LHX8: variants seen among roughly 807,000 people sequenced by gnomAD.
LHX8 encodes the protein LIM homeobox 8, also known as LIM/homeobox protein Lhx8.
Under a neutral mutation model 40.3 loss-of-function variants are expected in LHX8, and 12 were observed. That is an observed-to-expected ratio of 0.30 (90% CI 0.19 to 0.48). LHX8 has a LOEUF of 0.48. Among genes scored for constraint, LHX8 ranks in the 20% least tolerant of loss-of-function variants. The pLI is 0.99. For missense variants in LHX8, 344 were observed against 433.7 expected (o/e 0.79, Z 1.84); for synonymous variants, 179 against 162.0 (o/e 1.10, Z -0.80).
the LHX8 span, among the ~76,000 whole-genome samples, chr1:75,180,572 A>G: frequency 2.0e-5 from 3 of 152,152 alleles, no homozygotes; most frequent in East Asian, 5.8e-4. Context: ...TACACTGTCT[A>G]TTTTAGTTAG....
chr1:75,157,221 A>T, intron 8 of LHX8, 145 bp downstream of exon 8: 11 of 840,202 alleles, frequency 1.3e-5, no homozygotes, highest in Non-Finnish European at 2.1e-5. Context: ...TAGAGAGCAA[A>T]ATTATCCAAA....
the LHX8 span, among the ~76,000 whole-genome samples, chr1:75,179,696 G>A: frequency 1.6e-4 from 25 of 152,064 alleles, no homozygotes; most frequent in African/African-American, 5.3e-4. Flanking sequence ...TACATTTAAG[G>A]TTAATATTGT....
At chr1:75,147,082 C>T (rs1461881206) in intron 6 of LHX8, among the ~76,000 whole-genome samples, 3 of 152,098 alleles carry the variant, frequency 2.0e-5, no homozygotes, top group South Asian at 4.1e-4. Flanking sequence ...CAAAGTAACA[C>T]ATTTGGAGTA....
At chr1:75,179,571 C>T in the LHX8 span, among the ~76,000 whole-genome samples, 22 of 138,798 alleles carry the variant, frequency 1.6e-4, no homozygotes, top group Admixed American at 7.8e-4. Context: ...TTATTTTGAG[C>T]GTATGTGTGT....
downstream of LHX8, among the ~76,000 whole-genome samples, chr1:75,165,706 T>A (rs1247363731): frequency 6.6e-6 from 1 of 152,192 alleles, no homozygotes; most frequent in Non-Finnish European, 1.5e-5. Context: ...AGGGATTGAA[T>A]GAGGGTGGTA....
intron 7 of LHX8, among the ~76,000 whole-genome samples, chr1:75,152,245 G>A (rs954711065): frequency 6.6e-6 from 1 of 152,172 alleles, no homozygotes; most frequent in South Asian, 2.1e-4. Context: ...GAGGAAACTG[G>A]TGTGATACGT....
At chr1:75,130,958 C>A, upstream of LHX8, 1 of 619,674 alleles carries the variant, frequency 1.6e-6, no homozygotes, top group Non-Finnish European at 2.9e-6. Flanking sequence ...TTCTTATGAT[C>A]GCGAAAGTCT....
chr1:75,140,978 T>C lies in LHX8; in HGVS notation c.238-7T>C, dbSNP rs764659864. The C allele has an allele frequency of 4.3e-6, 7 of 1,613,468 alleles. No individual in the cohort carries two copies. The South Asian group carries it at 7.7e-5, about 18-fold the overall frequency. ...TGATATTACAATGGCTTCTCTTCCCTTCACAGGTGAATGACCTATGCTGGC... is the reference window on the plus strand; with the variant it reads ...TGATATTACAATGGCTTCTCTTCCCCTCACAGGTGAATGACCTATGCTGGC... On this transcript the variant is annotated splice_polypyrimidine_tract_variant and splice_region_variant and intron_variant, in intron 3 of 8. Transcript: ENST00000356261.
chr1:75,135,693 A>G (rs1429275141), intron 1 of LHX8, among the ~76,000 whole-genome samples: 1 of 152,074 alleles, frequency 6.6e-6, no homozygotes, highest in Non-Finnish European at 1.5e-5. Context: ...TAAGAACAAA[A>G]CTCCAGCAAA....
the LHX8 span, among the ~76,000 whole-genome samples, chr1:75,172,555 A>G: frequency 6.6e-6 from 1 of 152,228 alleles, no homozygotes; most frequent in Non-Finnish European, 1.5e-5. Flanking sequence ...TCTGGGTATG[A>G]AATTCACATC....
In LHX8 at chr1:75,137,049, G is replaced by T. The variant is rs1400455497; in HGVS notation, c.76-51G>T. 1.9e-6 allele frequency: 3 copies of T among 1,543,890 alleles called. No homozygotes were observed. The East Asian group carries it at 6.8e-5, about 35-fold the overall frequency. ...GGGCGCCCTTGTGGGTAGGTGGGAT[G>T]CGAAGGGGAGGAGGGGTCTAGAACC... is the stretch of plus-strand genomic sequence containing the variant. On this transcript the variant is annotated intron_variant, in intron 2 of 8. Transcript: ENST00000356261.
chr1:75,147,200 A>G (rs1648482565), intron 6 of LHX8, among the ~76,000 whole-genome samples: 5 of 152,216 alleles, frequency 3.3e-5, no homozygotes, highest in Admixed American at 1.3e-4. Context: ...TGTAGATACA[A>G]TATAGTTAGA....
At chr1:75,192,113 A>T in the LHX8 span, among the ~76,000 whole-genome samples, 1 of 152,318 alleles carries the variant, frequency 6.6e-6, no homozygotes, top group East Asian at 1.9e-4. Context: ...TATTTCATAT[A>T]GTTGTTTTAA....
At chr1:75,191,216 C>T in the LHX8 span, among the ~76,000 whole-genome samples, 4 of 151,966 alleles carry the variant, frequency 2.6e-5, no homozygotes, top group African/African-American at 9.7e-5. Context: ...ACAGCCAGGC[C>T]AAGAATGAAG....
chr1:75,173,374 C>CTTT, the LHX8 span, among the ~76,000 whole-genome samples: 24 of 96,466 alleles, frequency 2.5e-4, no homozygotes, highest in Non-Finnish European at 3.2e-4. Flanking sequence ...GATATATACT[C>CTTT]TTTTTTTTTT....
chr1:75,165,509 C>T (rs920258980), downstream of LHX8, among the ~76,000 whole-genome samples: 3 of 152,116 alleles, frequency 2.0e-5, no homozygotes, highest in African/African-American at 7.2e-5. Context: ...CCACAAAGAT[C>T]TGAACTTGCT....
intron 3 of LHX8, among the ~76,000 whole-genome samples, chr1:75,138,319 G>A (rs1401960693): frequency 6.6e-6 from 1 of 152,166 alleles, no homozygotes; most frequent in Non-Finnish European, 1.5e-5. Context: ...GAGAGTATGT[G>A]TTCAAAATTC....
At chr1:75,133,445 T>C (rs1648026718), upstream of LHX8, among the ~76,000 whole-genome samples, 3 of 152,200 alleles carry the variant, frequency 2.0e-5, no homozygotes, top group Admixed American at 2.0e-4. Flanking sequence ...TGCGTGTGTG[T>C]GTTTTACATA....
the LHX8 span, among the ~76,000 whole-genome samples, chr1:75,173,807 G>A: frequency 6.6e-6 from 1 of 152,174 alleles, no homozygotes; most frequent in South Asian, 2.1e-4. Flanking sequence ...ATTGTCTGAT[G>A]AAATAACTCG....
Sources: gnomAD v4.1 joint callset for allele counts (sites outside exome capture counted in the v4.1 genomes callset) on GRCh38, gnomAD v4.1.1 for gene constraint, MANE v1.5 for transcripts, NCBI Gene and HGNC (gene_info 2026-07-23, HGNC 2026-07-21) for gene names.